ARB2A: variants seen among roughly 807,000 people sequenced by gnomAD.
ARB2A encodes the protein ARB2 cotranscriptional regulator A.
chr5:94,082,065 C>G, the ARB2A span, among the ~76,000 whole-genome samples: 1 of 152,134 alleles, frequency 6.6e-6, no homozygotes, highest in Non-Finnish European at 1.5e-5. Context: ...ATATTATTTT[C>G]TAGGTATAAA....
At chr5:93,716,633 C>T in the ARB2A span, among the ~76,000 whole-genome samples, 1 of 135,344 alleles carries the variant, frequency 7.4e-6, no homozygotes, top group African/African-American at 2.8e-5. Context: ...TTAACAAATT[C>T]ACATGTGGTT....
the ARB2A span, among the ~76,000 whole-genome samples, chr5:94,095,460 T>C: frequency 1.3e-5 from 2 of 152,324 alleles, no homozygotes; most frequent in South Asian, 2.1e-4. Flanking sequence ...CACACACAGA[T>C]AGCCATGACA....
the ARB2A span, among the ~76,000 whole-genome samples, chr5:93,878,884 G>T: frequency 1.3e-5 from 2 of 151,890 alleles, no homozygotes; most frequent in Non-Finnish European, 2.9e-5. Flanking sequence ...ACTAGTCCTG[G>T]TTTCAACAAG....
the ARB2A span, among the ~76,000 whole-genome samples, chr5:93,697,061 C>CAAAAA: frequency 1.3e-5 from 1 of 78,262 alleles, no homozygotes; most frequent in Non-Finnish European, 2.6e-5. Context: ...GACTCCATCT[C>CAAAAA]AAAAAAAAAA....
the ARB2A span, among the ~76,000 whole-genome samples, chr5:93,920,004 AT>A: frequency 6.6e-6 from 1 of 152,156 alleles, no homozygotes; most frequent in African/African-American, 2.4e-5. Flanking sequence ...ATAGAAAAAA[AT>A]ATATTTCTAT....
At chr5:94,049,006 T>A in the ARB2A span, among the ~76,000 whole-genome samples, 14 of 152,194 alleles carry the variant, frequency 9.2e-5, no homozygotes, top group African/African-American at 3.4e-4. Flanking sequence ...TATGTGATAA[T>A]TTAACCAAGT....
chr5:93,713,627 CT>C, the ARB2A span, among the ~76,000 whole-genome samples: 1 of 152,132 alleles, frequency 6.6e-6, no homozygotes, highest in Non-Finnish European at 1.5e-5. Context: ...AACACTACCA[CT>C]GTGGAGGTTC....
At chr5:93,903,049 T>C in the ARB2A span, among the ~76,000 whole-genome samples, 2 of 152,142 alleles carry the variant, frequency 1.3e-5, no homozygotes, top group Non-Finnish European at 2.9e-5. Context: ...GAATTCAAGT[T>C]GGGCTAAAGA....
chr5:93,771,751 A>G, the ARB2A span, among the ~76,000 whole-genome samples: 9 of 152,360 alleles, frequency 5.9e-5, no homozygotes, highest in Admixed American at 2.0e-4. Flanking sequence ...GAAAACCACA[A>G]TGGGATACCA....
the ARB2A span, among the ~76,000 whole-genome samples, chr5:93,660,007 T>C: frequency 2.6e-5 from 4 of 152,012 alleles, no homozygotes; most frequent in Admixed American, 2.0e-4. Flanking sequence ...GGTCTTACAA[T>C]CTAATTGGGA....
At chr5:93,985,024 C>T in the ARB2A span, among the ~76,000 whole-genome samples, 22 of 152,212 alleles carry the variant, frequency 1.4e-4, 1 homozygote, top group South Asian at 3.5e-3. Context: ...TCTTAATATC[C>T]GTTTCTTATA....
chr5:93,743,532 C>G, the ARB2A span: 1 of 984,904 alleles, frequency 1.0e-6, no homozygotes, highest in Non-Finnish European at 1.2e-6. Flanking sequence ...TTGAGGTATA[C>G]TTACATGCTA....
chr5:93,848,139 C>T, the ARB2A span, among the ~76,000 whole-genome samples: 1 of 152,146 alleles, frequency 6.6e-6, no homozygotes, highest in Non-Finnish European at 1.5e-5. Flanking sequence ...AATCCCAGCA[C>T]TGTGGGAGGC....
the ARB2A span, among the ~76,000 whole-genome samples, chr5:93,686,923 G>T: frequency 1.3e-5 from 2 of 151,982 alleles, no homozygotes; most frequent in South Asian, 4.2e-4. Flanking sequence ...GGGACTTATG[G>T]CATGACAATA....
At chr5:93,781,982 A>G in the ARB2A span, 2 of 954,414 alleles carry the variant, frequency 2.1e-6, no homozygotes, top group Non-Finnish European at 2.5e-6. Flanking sequence ...GAGAAAGAAA[A>G]GGGGAGGAAG....
At chr5:93,802,710 G>A in the ARB2A span, among the ~76,000 whole-genome samples, 4 of 152,012 alleles carry the variant, frequency 2.6e-5, no homozygotes, top group Non-Finnish European at 5.9e-5. Context: ...TAGTTTAGCA[G>A]GCATAAACAG....
the ARB2A span, among the ~76,000 whole-genome samples, chr5:93,869,010 G>A: frequency 1.3e-5 from 2 of 152,172 alleles, no homozygotes; most frequent in African/African-American, 2.4e-5. Flanking sequence ...GCAACCTGGT[G>A]TAGCGGGAAA....
chr5:94,024,832 T>A, the ARB2A span, among the ~76,000 whole-genome samples: 1 of 152,030 alleles, frequency 6.6e-6, no homozygotes, highest in Non-Finnish European at 1.5e-5. Context: ...TCTGCCTGAG[T>A]AGAGGCCCAG....
chr5:93,818,885 A>G, the ARB2A span, among the ~76,000 whole-genome samples: 8 of 152,210 alleles, frequency 5.3e-5, no homozygotes, highest in African/African-American at 1.9e-4. Flanking sequence ...TTAGTTAGTA[A>G]AAGAGTTAAG....
Sources: gnomAD v4.1 joint callset for allele counts (sites outside exome capture counted in the v4.1 genomes callset) on GRCh38, gnomAD v4.1.1 for gene constraint, MANE v1.5 for transcripts, NCBI Gene and HGNC (gene_info 2026-07-23, HGNC 2026-07-21) for gene names.